Variants in EEF2 observed in about 807,000 individuals in gnomAD.
EEF2 encodes eukaryotic translation elongation factor 2, also known as elongation factor 2.
A neutral mutation model predicts 85.3 loss-of-function variants in EEF2; 21 were observed. The ratio of observed to expected loss-of-function variants is 0.25; its 90% CI spans 0.17 to 0.35. The LOEUF (loss-of-function observed/expected upper bound fraction) is 0.35, where lower values mean the gene tolerates loss of function less well. Ranked by LOEUF, EEF2 falls within the 10% of genes least tolerant of loss-of-function variation. The pLI, the probability that EEF2 is intolerant of heterozygous loss-of-function variation, is 1.00. For missense variants in EEF2, 825 were observed against 1,225.3 expected, an observed-to-expected ratio of 0.67 and a Z score of 4.88; for synonymous variants, 723 against 508.8, an observed-to-expected ratio of 1.42 and a Z score of -5.67.
intron 2 of EEF2, 78 bp from the exon 3 acceptor site, chr19:3,983,369 A>C: frequency 6.8e-7 from 1 of 1,471,096 alleles, no homozygotes; most frequent in East Asian, 2.4e-5. Flanking sequence ...GTCAGAAGCC[A>C]GGCTGCTCCT....
chr19:3,979,661 C>A, intron 10 of EEF2, 147 bp downstream of exon 10: 1 of 1,291,968 alleles, frequency 7.7e-7, no homozygotes, highest in Non-Finnish European at 1.1e-6. Flanking sequence ...GGGCAGGAGT[C>A]TCCATTTACA....
chr19:3,979,277 A>G, intron 11 of EEF2, 52 bp downstream of exon 11: 3 of 1,438,232 alleles, frequency 2.1e-6, no homozygotes, highest in Non-Finnish European at 2.9e-6. Context: ...TTTAAAGCAG[A>G]GGGCAGGTGT....
Position 3,977,423 on chromosome 19 carries a change from C to T in EEF2, c.2250+5G>A. 1.3e-6 allele frequency: 2 copies of T among 1,584,318 alleles called. No individual in the cohort carries two copies. Among genetic ancestry groups the T allele is most frequent in the Non-Finnish European group, 1.7e-6 (2 of 1,164,862 alleles). On this transcript the variant is annotated splice_donor_5th_base_variant and intron_variant, in intron 13 of 14. Coordinates refer to ENST00000309311, the MANE Select transcript of EEF2 (RefSeq NM_001961.4). This position sits in a 1 kb window ranked among gnomAD's most constrained non-coding sequence, Gnocchi z 5.4. ...CAGGGTCAGCGGTGGGCGGGTAGAC[C>T]TCACCTGGATCTCCACAAGGTAGAT...
At chr19:3,983,615 G>A (rs796880979) in intron 2 of EEF2, among the ~76,000 whole-genome samples, 8 of 152,254 alleles carry the variant, frequency 5.3e-5, no homozygotes, top group African/African-American at 1.9e-4. Context: ...AGCCTCCAGA[G>A]ACTCCGACCC....
At chr19:3,984,461 G>A in intron 1 of EEF2, 111 bp from the exon 2 acceptor site, 1 of 1,212,190 alleles carries the variant, frequency 8.2e-7, no homozygotes, top group South Asian at 1.4e-5. Context: ...GGGGGTTGGT[G>A]CTGGGGTGCC....
At chr19:3,983,746 C>A in intron 2 of EEF2, 1 of 322,436 alleles carries the variant, frequency 3.1e-6, no homozygotes, top group South Asian at 3.4e-5. Flanking sequence ...GCTCCCCCTA[C>A]TCATATCGGG....
intron 5 of EEF2, 29 bp from the exon 6 acceptor site, chr19:3,982,081 G>A (rs1327830473): frequency 1.2e-6 from 2 of 1,612,244 alleles, no homozygotes; most frequent in African/African-American, 1.3e-5. Flanking sequence ...GCCAAATCAA[G>A]TTAGGGTCTC....
intron 6 of EEF2, 48 bp from the exon 7 acceptor site, chr19:3,981,500 A>C: frequency 6.4e-7 from 1 of 1,560,138 alleles, no homozygotes; most frequent in Non-Finnish European, 8.8e-7. Flanking sequence ...GAACAGCAGG[A>C]GGAAGCCTGG....
chr19:3,982,659 C>A, intron 4 of EEF2, 148 bp downstream of exon 4: 1 of 1,116,802 alleles, frequency 9.0e-7, no homozygotes, highest in Non-Finnish European at 1.3e-6. Flanking sequence ...TGGGTCAAGT[C>A]GGATGAAAAC....
intron 9 of EEF2, 124 bp from the exon 10 acceptor site, chr19:3,980,190 CCACAAGGCCCTGACTGCTGCGTCGGGG>C: frequency 7.3e-7 from 1 of 1,366,636 alleles, no homozygotes; most frequent in Non-Finnish European, 9.8e-7. Flanking sequence ...CTGGTGGCTT[CCACAAGGCCCTGACTGCTGCGTCGGGG>C]CTGTCAGGAA....
rs2039725843 is a variant in EEF2, at chr19:3,980,041, C to T, written c.1372G>A (p.Val458Met). The stretch of plus-strand genomic sequence containing the variant: ...CAAGGCACATCCTCGATGGGCTCCA[C>T]GTAGCGGCCCATCATCAAGATTGTT... ...QRTILMMGRY[V>M]EPIEDVPCGN... is the part of the protein sequence containing the mutation. Residue 458 changes from valine (V) to methionine (M), a missense_variant, in exon 10 of 15, where the codon GTG becomes ATG. Coordinates refer to ENST00000309311, the MANE Select transcript of EEF2 (RefSeq NM_001961.4). 1.2e-6 allele frequency: 2 copies of T among 1,613,380 alleles called. No individual in the cohort carries two copies. Among genetic ancestry groups the T allele is most frequent in the East Asian group, 2.2e-5 (1 of 44,884 alleles).
At chr19:3,980,472 C>T (rs542550848) in intron 9 of EEF2, 42 bp downstream of exon 9, 9 of 1,584,682 alleles carry the variant, frequency 5.7e-6, no homozygotes, top group East Asian at 4.5e-5. Flanking sequence ...GGGCAGGGCC[C>T]GCAACAGTGC....
Position 3,981,948 on chromosome 19 carries a change from T to A in EEF2, c.896A>T (p.Lys299Met). 2 of 1,613,736 alleles carry A rather than the reference T, an allele frequency of 1.2e-6. No individual in the cohort carries two copies. Among genetic ancestry groups the A allele is most frequent in the Non-Finnish European group, 1.7e-6 (2 of 1,179,836 alleles). Residue 299 changes from lysine (K) to methionine (M), a missense_variant and splice_region_variant, in exon 6 of 15, where the codon AAG (lysine) becomes ATG (methionine). Coordinates refer to ENST00000309311, the MANE Select transcript of EEF2 (RefSeq NM_001961.4). Reference sequence around the variant, plus strand: ...GTGCCTGGCGCAGCCCTCACTCACCTTGAAGATGGGGTCCAGGATCAGCTG... The same window carrying A: ...GTGCCTGGCGCAGCCCTCACTCACCATGAAGATGGGGTCCAGGATCAGCTG... ...FCQLILDPIF[K>M]VFDAIMNFKK...
rs186864392 is a variant in EEF2 at position 3,979,561 on chromosome 19, G to T, written c.1606-125C>A. The T allele has an allele frequency of 4.1e-6, 4 of 973,720 alleles. No homozygotes were observed. In the South Asian group the frequency reaches 4.6e-5, roughly 11 times the overall value. The allele number at this position is 973,720 out of a possible 1,614,324, so 60.3% of individuals were successfully genotyped here. ...ATTTCAGGGAAGGTGCTGGGAAACT[G>T]GGACCAGCACAAACTCCTGAAGAAA... On this transcript the variant is annotated intron_variant, in intron 10 of 14. Transcript: ENST00000309311.
Position 3,981,891 on chromosome 19 carries a change from C to G in EEF2, c.897+56G>C, listed in dbSNP as rs572766937. On this transcript the variant is annotated intron_variant, in intron 6 of 14. Transcript: ENST00000309311. Reference sequence around the variant, plus strand: ...CCGACAGGCTACCGGCCGGAGCCCACAGGGCCGAGGGCCAATAGTCGCATC... The same window carrying G: ...CCGACAGGCTACCGGCCGGAGCCCAGAGGGCCGAGGGCCAATAGTCGCATC... 7 of 1,548,496 alleles carry G rather than the reference C, an allele frequency of 4.5e-6. No individual in the cohort carries two copies. In the South Asian group the frequency reaches 5.6e-5, roughly 12 times the overall value.
At position 3,979,426 on chromosome 19, in the gene EEF2, T is replaced by G. The variant is rs2039717589; in HGVS notation, c.1616A>C (p.Glu539Ala). The part of the protein sequence containing the change: ...KSDPMVQCII[E>A]ESGEHIIAGA... The stretch of plus-strand genomic sequence containing the variant: ...CGCGATGATATGCTCTCCCGACTCC[T>G]CGATGATGCACTGAAAGGGATGCGG... Residue 539 changes from glutamate to alanine, a missense_variant, in exon 11 of 15, where the codon GAG (glutamate) becomes GCG (alanine). Glu to Ala is a moderately radical substitution (Grantham distance 107). Transcript: ENST00000309311. 4 of 1,613,398 alleles carry G rather than the reference T, an allele frequency of 2.5e-6. No individual in the cohort carries two copies. Among genetic ancestry groups the G allele is most frequent in the Non-Finnish European group, 3.4e-6 (4 of 1,179,940 alleles).
chr19:3,976,593 T>G lies in EEF2; in HGVS notation c.2538A>C (p.Glu846Asp). 1.2e-6 allele frequency: 2 copies of G among 1,610,740 alleles called. No homozygotes were observed. The highest frequency in any genetic ancestry group is 1.7e-6 in the Non-Finnish European group (2 of 1,178,688). ...GGAAGTTGTCCAGGGCAGGGATGCC[T>G]TCTTTCAGGCCCTTGCGCTTGCGGG... is the stretch of plus-strand genomic sequence containing the variant. ...AETRKRKGLK[E>D]GIPALDNFLD... The change falls in exon 15 of 15, where the codon GAA becomes GAC. Residue 846 changes from glutamate (E) to aspartate (D), a missense_variant. Transcript: ENST00000309311.
chr19:3,985,166 G>A (rs1008077947), intron 1 of EEF2: 9 of 480,074 alleles, frequency 1.9e-5, no homozygotes, highest in Admixed American at 1.8e-4. Flanking sequence ...TCTGGGCAAG[G>A]TTATGGCGCC....
chr19:3,984,124 C>T lies in EEF2; in HGVS notation c.218+12G>A. Reference sequence around the variant, plus strand: ...CCTCCCTGCCTGGGTACAGAGGGCACAGGGAGCTCACGTTGACTTGATGGT... The same window carrying T: ...CCTCCCTGCCTGGGTACAGAGGGCATAGGGAGCTCACGTTGACTTGATGGT... On this transcript the variant is annotated intron_variant, in intron 2 of 14. Transcript: ENST00000309311. 2 of 1,613,178 alleles carry T rather than the reference C, an allele frequency of 1.2e-6. No homozygotes were observed. Among genetic ancestry groups the T allele is most frequent in the South Asian group, 1.1e-5 (1 of 91,058 alleles).
Sources: gnomAD v4.1 joint callset for allele counts (sites outside exome capture counted in the v4.1 genomes callset) on GRCh38, gnomAD v4.1.1 for gene constraint, Gnocchi (gnomAD v3.1) non-coding constraint, MANE v1.5 for transcripts, NCBI Gene and HGNC (gene_info 2026-07-23, HGNC 2026-07-21) for gene names.